MED12L: variants seen among roughly 807,000 people sequenced by gnomAD.
MED12L encodes the protein mediator complex subunit 12L.
A neutral mutation model predicts 281.3 loss-of-function variants in MED12L; 60 were observed. The ratio of observed to expected loss-of-function variants is 0.21; its 90% CI spans 0.17 to 0.26. The LOEUF (loss-of-function observed/expected upper bound fraction) is 0.26. Among genes scored for constraint, MED12L ranks in the 10% least tolerant of loss-of-function variants. MED12L has a pLI of 1.00. For missense variants in MED12L, 2,146 were observed against 2,680.9 expected (o/e 0.80, Z 4.41); for synonymous variants, 974 against 987.2 (o/e 0.99, Z 0.25).
chr3:151,317,436 CTTTTTTTTTTTTTTT>C (rs1164820615), intron 16 of MED12L, among the ~76,000 whole-genome samples: 5 of 58,744 alleles, frequency 8.5e-5, no homozygotes, highest in African/African-American at 1.9e-4. Context: ...AATCATATCA[CTTTTTTTTTTTTTTT>C]TTTTTTTTTT....
intron 16 of MED12L, among the ~76,000 whole-genome samples, chr3:151,245,577 T>C (rs1485276135): frequency 6.6e-5 from 10 of 150,788 alleles, no homozygotes; most frequent in Admixed American, 2.0e-4. Context: ...CAACCCTTCA[T>C]GCTGAAAACT....
intron 16 of MED12L, among the ~76,000 whole-genome samples, chr3:151,323,693 C>G (rs1330859691): frequency 3.3e-5 from 5 of 152,274 alleles, no homozygotes; most frequent in African/African-American, 1.2e-4. Flanking sequence ...TGGTGTGTCT[C>G]TCACACCTCT....
chr3:151,354,178 A>G (rs987081850), intron 17 of MED12L, among the ~76,000 whole-genome samples: 5 of 149,034 alleles, frequency 3.4e-5, no homozygotes, highest in African/African-American at 9.8e-5. Context: ...TCACAGTGCT[A>G]GAAATGACAT....
At position 151,355,315 on chromosome 3, in the gene MED12L, T is replaced by G. The variant is rs1753773367; in HGVS notation, c.2517+76T>G. 4.4e-6 allele frequency: 4 copies of G among 900,424 alleles called. No homozygotes were observed. In the South Asian group the frequency reaches 5.9e-5, roughly 13 times the overall value. 55.8% of individuals were successfully genotyped at this position (900,424 alleles called of 1,614,324 possible). On this transcript the variant is annotated intron_variant, in intron 18 of 44. Transcript: ENST00000687756. Reference sequence around the variant, plus strand: ...AAAAATTTTTTTCATGCAGTATATTTTCTCAACCTTAATGGTTTTAGACAT... The same window carrying G: ...AAAAATTTTTTTCATGCAGTATATTGTCTCAACCTTAATGGTTTTAGACAT...
intron 16 of MED12L, among the ~76,000 whole-genome samples, chr3:151,313,854 G>A (rs1381534288): frequency 1.3e-5 from 2 of 151,782 alleles, no homozygotes; most frequent in Admixed American, 6.6e-5. Flanking sequence ...AACGCAGGAG[G>A]CAGAGGTTGC....
intron 16 of MED12L, among the ~76,000 whole-genome samples, chr3:151,301,087 A>C (rs570671529): frequency 6.6e-6 from 1 of 152,162 alleles, no homozygotes; most frequent in African/African-American, 2.4e-5. Flanking sequence ...GAAGTCAGAA[A>C]GTGTTTTTTT....
intron 16 of MED12L, chr3:151,329,562 T>C: frequency 6.7e-7 from 1 of 1,488,710 alleles, no homozygotes; most frequent in Non-Finnish European, 9.1e-7. Context: ...GTGAAGCAAA[T>C]GTTCTGCTTT....
At position 151,432,975 on chromosome 3, in the gene MED12L, A is replaced by C. The variant is rs572617050; in HGVS notation, c.*171A>C. The C allele has an allele frequency of 2.0e-4, 112 of 551,878 alleles. 4 individuals carry two copies. In the South Asian group the frequency reaches 3.0e-3, roughly 15 times the overall value. The allele number at this position is 551,878 out of a possible 1,614,324, so 34.2% of individuals were successfully genotyped here. On this transcript the variant is annotated 3_prime_UTR_variant, in exon 45 of 45. Coordinates refer to ENST00000687756, the MANE Select transcript of MED12L (RefSeq NM_001393769.1). ...AAAAAGGTGTTTAAACAAAAAGCCAAGGAGAAGTTGTGGTTTGATTTTGTT... is the reference window on the plus strand; with the variant it reads ...AAAAAGGTGTTTAAACAAAAAGCCACGGAGAAGTTGTGGTTTGATTTTGTT...
At chr3:151,357,825 T>G (rs1754113139) in intron 20 of MED12L, among the ~76,000 whole-genome samples, 1 of 152,222 alleles carries the variant, frequency 6.6e-6, no homozygotes, top group Non-Finnish European at 1.5e-5. Context: ...TATCTTTTGA[T>G]AAGAATTAAC....
At chr3:151,318,321 C>T (rs986580874) in intron 16 of MED12L, among the ~76,000 whole-genome samples, 11 of 151,392 alleles carry the variant, frequency 7.3e-5, no homozygotes, top group Non-Finnish European at 1.5e-4. Context: ...TATACTTCCC[C>T]ATTGATTTAG....
chr3:151,372,801 C>T (rs202220883), intron 27 of MED12L, 35 bp downstream of exon 27: 20 of 1,546,670 alleles, frequency 1.3e-5, no homozygotes, highest in African/African-American at 1.1e-4. Context: ...ACTTTGAGTA[C>T]GTAACTCTTC....
rs770375092 is a variant in MED12L at position 151,159,999 on chromosome 3, C to T, written c.1005C>T (p.Gly335=). The T allele has an allele frequency of 1.1e-5, 17 of 1,611,424 alleles. No homozygotes were observed. Among genetic ancestry groups the T allele is most frequent in the Non-Finnish European group, 1.4e-5 (16 of 1,177,828 alleles). The change falls in exon 8 of 45, where the codon GGC becomes GGT. Residue 335 remains glycine, a synonymous_variant. Coordinates refer to ENST00000687756, the MANE Select transcript of MED12L (RefSeq NM_001393769.1). ...NNSSIGAPSP[G]PPGPGMSPVQ... ...CGAGTATCGGGGCCCCCAGCCCTGG[C>T]CCCCCCGGCCCTGGCATGAGCCCCG...
intron 43 of MED12L, among the ~76,000 whole-genome samples, chr3:151,419,307 C>T (rs1475214956): frequency 6.6e-6 from 1 of 152,214 alleles, no homozygotes; most frequent in East Asian, 1.9e-4. Flanking sequence ...AGGCTGTCTG[C>T]TGGCTGAGGA....
chr3:151,396,324 C>A (rs1164500753), intron 39 of MED12L, among the ~76,000 whole-genome samples: 2 of 152,180 alleles, frequency 1.3e-5, no homozygotes, highest in Admixed American at 6.6e-5. Context: ...ATTTAGCCCT[C>A]TTTCAAAGTA....
At chr3:151,431,359 T>C (rs1188270638) in intron 44 of MED12L, among the ~76,000 whole-genome samples, 1 of 152,216 alleles carries the variant, frequency 6.6e-6, no homozygotes, top group Non-Finnish European at 1.5e-5. Flanking sequence ...AGCTTGGTTT[T>C]AGTCTTAATT....
chr3:151,332,990 T>G (rs753920253), intron 16 of MED12L, among the ~76,000 whole-genome samples: 2 of 152,196 alleles, frequency 1.3e-5, no homozygotes, highest in Non-Finnish European at 2.9e-5. Context: ...AGTGACAACA[T>G]CTGGTGTTTG....
intron 16 of MED12L, among the ~76,000 whole-genome samples, chr3:151,248,617 A>G (rs1316215217): frequency 6.6e-6 from 1 of 152,170 alleles, no homozygotes; most frequent in Non-Finnish European, 1.5e-5. Flanking sequence ...GAATTTCCTA[A>G]TGCCTAATGT....
intron 16 of MED12L, among the ~76,000 whole-genome samples, chr3:151,205,024 T>C (rs1482875270): frequency 2.0e-5 from 3 of 152,246 alleles, no homozygotes; most frequent in Admixed American, 6.5e-5. Context: ...AGATGAATCA[T>C]ATTCCTCCTT....
intron 21 of MED12L, among the ~76,000 whole-genome samples, chr3:151,364,351 C>G (rs1442943757): frequency 6.6e-6 from 1 of 152,122 alleles, no homozygotes; most frequent in African/African-American, 2.4e-5. Context: ...CTCTTAATGC[C>G]TCTGAGAAAT....
Sources: gnomAD v4.1 joint callset for allele counts (sites outside exome capture counted in the v4.1 genomes callset) on GRCh38, gnomAD v4.1.1 for gene constraint, MANE v1.5 for transcripts, NCBI Gene and HGNC (gene_info 2026-07-23, HGNC 2026-07-21) for gene names.